The following LIMS2 variants were observed in gnomAD, a reference collection of about 807,000 sequenced individuals.
The protein encoded by LIMS2 is LIM and senescent cell antigen-like-containing domain protein 2.
Under a neutral mutation model 45.3 loss-of-function variants are expected in LIMS2, and 30 were observed. That is an observed-to-expected ratio of 0.66 (90% confidence interval 0.50 to 0.90). LIMS2 has a LOEUF of 0.90. Ranked by LOEUF, LIMS2 falls within the 40% of genes least tolerant of loss-of-function variation. The pLI, the probability that LIMS2 is intolerant of heterozygous loss-of-function variation, is 0.00. For missense variants in LIMS2, 485 were observed against 468.7 expected, an observed-to-expected ratio of 1.03 and a Z score of -0.32; for synonymous variants, 173 against 188.0, an observed-to-expected ratio of 0.92 and a Z score of 0.65.
At chr2:127,657,930 T>C (rs1684372190) in intron 1 of LIMS2, among the ~76,000 whole-genome samples, 1 of 152,202 alleles carries the variant, frequency 6.6e-6, no homozygotes, top group African/African-American at 2.4e-5. Flanking sequence ...GACCTAAGCC[T>C]CAAAGAGGTT....
chr2:127,650,435 G>A, intron 4 of LIMS2: 1 of 546,438 alleles, frequency 1.8e-6, no homozygotes, highest in Non-Finnish European at 3.2e-6. Context: ...GGTCCTCCCA[G>A]CTCTGAGGAG....
rs1206879276 is a variant in LIMS2, at chr2:127,640,937, C to T, written c.712G>A (p.Glu238Lys). The T allele has an allele frequency of 1.9e-6, 3 of 1,613,878 alleles. No homozygotes were observed. The highest frequency in any genetic ancestry group is 4.5e-5 in the East Asian group (2 of 44,894). Residue 238 changes from glutamate to lysine, a missense_variant, in exon 7 of 10, where the codon GAG becomes AAG. By Grantham distance (56) the Glu-to-Lys change is moderately conservative. Coordinates refer to ENST00000355119, the MANE Select transcript of LIMS2 (RefSeq NM_001161403.3). ...TCGCAGTAGGCCAGGCCCTTCTTCT[C>T]ATAGTGCCGGTGCCCCAGGAATGGC... ...EKPFLGHRHYEKKGLAYCETH... is the reference protein window; with the variant it reads ...EKPFLGHRHYKKKGLAYCETH...
At chr2:127,648,084 A>T in intron 4 of LIMS2, 1 of 985,506 alleles carries the variant, frequency 1.0e-6, no homozygotes, top group African/African-American at 1.7e-5. Flanking sequence ...TGGTTTTAGC[A>T]GTCCTAGGGA....
At chr2:127,662,559 C>T (rs1178770849) in intron 1 of LIMS2, among the ~76,000 whole-genome samples, 4 of 146,490 alleles carry the variant, frequency 2.7e-5, no homozygotes, top group Non-Finnish European at 5.9e-5. Flanking sequence ...TGTTCTCACT[C>T]GTAGGTGGGA....
chr2:127,653,538 G>T lies in LIMS2; in HGVS notation c.359+886C>A, dbSNP rs542905647. ...GTCTGCAAGGGCAGCCATGAGGGCC[G>T]GGCACGGAGCCCCAGACGACTCCCC... On this transcript the variant is annotated intron_variant, in intron 4 of 9. Transcript: ENST00000355119. The surrounding 1 kb of genome is among the most constrained non-coding windows in gnomAD (Gnocchi z 5.3). Among the ~76,000 whole-genome samples the T allele has an allele frequency of 3.3e-5, 5 of 152,168 alleles. No individual in the cohort carries two copies. Among genetic ancestry groups the T allele is most frequent in the Admixed American group, 3.3e-4 (5 of 15,282 alleles).
Position 127,647,014 on chromosome 2 carries a change from G to A in LIMS2, c.360-3942C>T, listed in dbSNP as rs184400228. 9.8e-4 allele frequency among the ~76,000 whole-genome samples: 149 copies of A among 152,250 alleles called. 1 individual carries two copies. The East Asian group carries it at 0.019, about 20-fold the overall frequency. On this transcript the variant is annotated intron_variant, in intron 4 of 9. Transcript: ENST00000355119. The surrounding 1 kb of genome is among the most constrained non-coding windows in gnomAD (Gnocchi z 4.3). ...AGAGAGAGCGAGGGGCACGCCCTTC[G>A]GCCCGGGCAGGAAGTGGAGGGCAGT... is the stretch of plus-strand genomic sequence containing the variant.
At position 127,667,321 on chromosome 2, in the gene LIMS2, A is replaced by C. The variant is rs1270120577; in HGVS notation, c.11+7693T>G. Among the ~76,000 whole-genome samples the C allele has an allele frequency of 1.3e-5, 2 of 152,154 alleles. No individual in the cohort carries two copies. Among genetic ancestry groups the C allele is most frequent in the African/African-American group, 4.8e-5 (2 of 41,442 alleles). On this transcript the variant is annotated intron_variant, in intron 1 of 9. Coordinates refer to ENST00000355119, the MANE Select transcript of LIMS2 (RefSeq NM_001161403.3). This position sits in a 1 kb window ranked among gnomAD's most constrained non-coding sequence, Gnocchi z 4.1. ...GAGAAAAAAACAAAAAACAAAAAAC[A>C]ACAAACCTTCACAAAATCTTTCCAA...
At position 127,653,186 on chromosome 2, in the gene LIMS2, G is replaced by A. The variant is rs1683975877; in HGVS notation, c.359+1238C>T. Among the ~76,000 whole-genome samples, 1 of 152,202 alleles carries A rather than the reference G, an allele frequency of 6.6e-6. No homozygotes were observed. The highest frequency in any genetic ancestry group is 2.1e-4 in the South Asian group (1 of 4,830). ...GTGCCTCTCTCACGGGCAGCACACG[G>A]ACAAGAGCTCGGTAGTGTCGGGGAA... On this transcript the variant is annotated intron_variant, in intron 4 of 9. Transcript: ENST00000355119. The surrounding 1 kb of genome is among the most constrained non-coding windows in gnomAD (Gnocchi z 5.3).
intron 1 of LIMS2, among the ~76,000 whole-genome samples, chr2:127,673,101 G>A (rs562919773): frequency 9.2e-5 from 14 of 152,348 alleles, no homozygotes; most frequent in African/African-American, 2.6e-4. Context: ...CCTGTGTATG[G>A]AAGGCAGGGA....
intron 4 of LIMS2, chr2:127,651,767 C>G: frequency 6.2e-7 from 1 of 1,607,830 alleles, no homozygotes; most frequent in Non-Finnish European, 8.5e-7. Context: ...CGGGGGGCGC[C>G]GTCCAGGCCG....
chr2:127,644,270 G>C (rs58855074), intron 4 of LIMS2, among the ~76,000 whole-genome samples: 8,609 of 152,226 alleles, frequency 0.057, 291 homozygotes, highest in African/African-American at 0.08. Flanking sequence ...TCAGCTGACC[G>C]AATGCCTCGG....
chr2:127,641,995 C>G, intron 6 of LIMS2, 54 bp downstream of exon 6: 2 of 1,584,272 alleles, frequency 1.3e-6, no homozygotes, highest in Non-Finnish European at 1.7e-6. Flanking sequence ...TTACCATGAC[C>G]CTGAGCTGGG....
upstream of LIMS2, among the ~76,000 whole-genome samples, chr2:127,680,142 AC>A (rs1186755174): frequency 1.3e-5 from 2 of 151,736 alleles, no homozygotes; most frequent in African/African-American, 2.4e-5. Flanking sequence ...GGCTGTGAGA[AC>A]CCCCCGGGGG....
chr2:127,661,215 G>A (rs548809566), intron 1 of LIMS2, among the ~76,000 whole-genome samples: 61 of 152,352 alleles, frequency 4.0e-4, no homozygotes, highest in South Asian at 1.7e-3. Context: ...CACCAGCCTG[G>A]GACCTGGAGA....
rs1232711609 is a variant in LIMS2, at chr2:127,671,194, G to A, written c.11+3820C>T. Among the ~76,000 whole-genome samples, 3 of 152,096 alleles carry A rather than the reference G, an allele frequency of 2.0e-5. No individual in the cohort carries two copies. The highest frequency in any genetic ancestry group is 7.2e-5 in the African/African-American group (3 of 41,404). ...CGCCTGTAATCACAGCACTTTGGGA[G>A]GCCAAGGTGGGTGGATCAAGAGGTC... On this transcript the variant is annotated intron_variant, in intron 1 of 9. Transcript: ENST00000355119. The surrounding 1 kb of genome is among the most constrained non-coding windows in gnomAD (Gnocchi z 4.1).
At chr2:127,678,454 C>T (rs1685548102), upstream of LIMS2, among the ~76,000 whole-genome samples, 1 of 152,160 alleles carries the variant, frequency 6.6e-6, no homozygotes, top group Non-Finnish European at 1.5e-5. This position sits in a 1 kb window ranked among gnomAD's most constrained non-coding sequence, Gnocchi z 5.3. Context: ...TCCCTAGCTG[C>T]TGTGTGGCCA....
rs1682077844 is a variant in LIMS2 at position 127,638,600 on chromosome 2, AG to A, written c.*680del. On this transcript the variant is annotated 3_prime_UTR_variant, in exon 10 of 10. Coordinates refer to ENST00000355119, the MANE Select transcript of LIMS2 (RefSeq NM_001161403.3). ...ACCCAAGGGCTCGACACAAGCCCCA[AG>A]GTCGGGGGGAGAGGGGCGGGGCGGA... 1 of 152,752 alleles carries A rather than the reference AG, an allele frequency of 6.5e-6. No homozygotes were observed. The highest frequency in any genetic ancestry group is 6.5e-5 in the Admixed American group (1 of 15,298). 9.5% of individuals were successfully genotyped at this position (152,752 alleles called of 1,614,324 possible). A position where few individuals can be genotyped will look rare whatever the true frequency, so the allele number is the denominator to read the frequency against.
intron 4 of LIMS2, among the ~76,000 whole-genome samples, chr2:127,649,624 G>C (rs928593794): frequency 2.0e-5 from 3 of 152,252 alleles, no homozygotes; most frequent in Non-Finnish European, 4.4e-5. Context: ...GGGAGGCAGA[G>C]TGTTTGGGAC....
At chr2:127,661,489 C>T (rs748509089) in intron 1 of LIMS2, among the ~76,000 whole-genome samples, 5 of 152,226 alleles carry the variant, frequency 3.3e-5, no homozygotes, top group Admixed American at 6.5e-5. Flanking sequence ...GGGTCAGAGA[C>T]GTGGACATTC....
Sources: allele counts gnomAD v4.1 joint callset (sites outside exome capture counted in the v4.1 genomes callset), GRCh38; gene constraint gnomAD v4.1.1; non-coding constraint Gnocchi (gnomAD v3.1); transcripts MANE v1.5; gene names NCBI Gene and HGNC (gene_info 2026-07-23, HGNC 2026-07-21).